ADCY2: variants seen among roughly 807,000 people sequenced by gnomAD.
The protein encoded by ADCY2 is adenylate cyclase 2.
A neutral mutation model predicts 125.2 loss-of-function variants in ADCY2; 31 were observed. That is an observed-to-expected ratio of 0.25 (90% CI 0.19 to 0.33). The LOEUF is 0.33. Among genes scored for constraint, ADCY2 ranks in the 10% least tolerant of loss-of-function variants. ADCY2 has a pLI of 1.00. For missense variants in ADCY2, 904 were observed against 1,418.2 expected, an observed-to-expected ratio of 0.64 and a Z score of 5.82; for synonymous variants, 512 against 548.4, an observed-to-expected ratio of 0.93 and a Z score of 0.93.
rs1739021199 is a variant in ADCY2, at chr5:7,396,258, G to C, written c.-39G>C. ...CGGCCGCGGCGAGCGGCGCTGCCCG[G>C]GCCGGGCGCGCACGGCGGGCGCCCT... is the stretch of plus-strand genomic sequence containing the variant. On this transcript the variant is annotated 5_prime_UTR_variant, in exon 1 of 25. Coordinates refer to ENST00000338316, the MANE Select transcript of ADCY2 (RefSeq NM_020546.3). This position sits in a 1 kb window ranked among gnomAD's most constrained non-coding sequence, Gnocchi z 5.7. 1.9e-6 allele frequency: 2 copies of C among 1,044,626 alleles called. No individual in the cohort carries two copies. The highest frequency in any genetic ancestry group is 2.3e-6 in the Non-Finnish European group (2 of 866,406). The allele number at this position is 1,044,626 out of a possible 1,614,324, so 64.7% of individuals were successfully genotyped here.
chr5:7,516,374 G>A (rs1430108926), intron 2 of ADCY2, among the ~76,000 whole-genome samples: 4 of 152,296 alleles, frequency 2.6e-5, no homozygotes, highest in Admixed American at 2.6e-4. Context: ...GTGTGTTTCT[G>A]TAAACTTGAT....
chr5:7,559,321 T>C (rs1473255822), intron 3 of ADCY2, among the ~76,000 whole-genome samples: 1 of 152,216 alleles, frequency 6.6e-6, no homozygotes, highest in Non-Finnish European at 1.5e-5. Context: ...GGAATGTTTT[T>C]CCATTTGTTT....
At chr5:7,713,665 A>C (rs970474137) in intron 11 of ADCY2, among the ~76,000 whole-genome samples, 1 of 152,138 alleles carries the variant, frequency 6.6e-6, no homozygotes, top group African/African-American at 2.4e-5. Flanking sequence ...GCCACCGTAA[A>C]ATCCCAGGCA....
intron 7 of ADCY2, among the ~76,000 whole-genome samples, chr5:7,699,132 C>T (rs1740996085): frequency 9.5e-6 from 1 of 104,968 alleles, no homozygotes; most frequent in Non-Finnish European, 1.7e-5. Context: ...GAGTCTCGCT[C>T]TGTCGCCCAG....
chr5:7,589,199 T>G (rs1414935008), intron 3 of ADCY2, among the ~76,000 whole-genome samples: 1 of 152,102 alleles, frequency 6.6e-6, no homozygotes, highest in African/African-American at 2.4e-5. Flanking sequence ...CACCCTAATT[T>G]ATTTTCTAAA....
chr5:7,648,213 G>T (rs1023110611), intron 4 of ADCY2, among the ~76,000 whole-genome samples: 1 of 151,848 alleles, frequency 6.6e-6, no homozygotes, highest in South Asian at 2.1e-4. Context: ...TATTTTCTAT[G>T]AATCCTTTCA....
chr5:7,483,428 A>AT (rs112780337), intron 2 of ADCY2, among the ~76,000 whole-genome samples: 1,524 of 151,730 alleles, frequency 0.01, 13 homozygotes, highest in African/African-American at 0.025. Context: ...AAAAAAAAAA[A>AT]GCATTTCATC....
In ADCY2 at chr5:7,820,585, A is replaced by G. The variant is rs1177258406; in HGVS notation, c.3019A>G (p.Ile1007Val). ...LRVGINHGPV[I>V]AGVIGAQKPQ... The stretch of plus-strand genomic sequence containing the variant: ...CACAGGTATTAACCATGGACCTGTG[A>G]TAGCTGGTGTGATTGGAGCTCAGAA... The change falls in exon 24 of 25, where the codon ATA becomes GTA. Residue 1007 changes from isoleucine to valine, a missense_variant. Physicochemically the swap from Ile to Val is conservative, Grantham distance 29. Transcript: ENST00000338316. The G allele has an allele frequency of 6.2e-7, 1 of 1,613,980 alleles. No individual in the cohort carries two copies. The highest frequency in any genetic ancestry group is 1.7e-5 in the Admixed American group (1 of 60,012).
intron 2 of ADCY2, among the ~76,000 whole-genome samples, chr5:7,508,349 C>A (rs561825100): frequency 1.3e-5 from 2 of 152,282 alleles, no homozygotes; most frequent in South Asian, 4.1e-4. Flanking sequence ...TAATTTATTT[C>A]ATATTTCACA....
chr5:7,411,559 T>A (rs1374612507), intron 1 of ADCY2, among the ~76,000 whole-genome samples: 1 of 152,122 alleles, frequency 6.6e-6, no homozygotes, highest in Non-Finnish European at 1.5e-5. Context: ...TTTGCAGGAC[T>A]CTAAGAGGGC....
chr5:7,418,942 T>C (rs1740078054), intron 2 of ADCY2, among the ~76,000 whole-genome samples: 3 of 152,118 alleles, frequency 2.0e-5, no homozygotes, highest in Admixed American at 2.0e-4. Context: ...CGTGAGCCAC[T>C]GCACCCAGCC....
intron 2 of ADCY2, among the ~76,000 whole-genome samples, chr5:7,498,890 C>G (rs961473274): frequency 6.6e-6 from 1 of 152,112 alleles, no homozygotes; most frequent in Non-Finnish European, 1.5e-5. Context: ...GGCCAAATGT[C>G]ACAAGTATAA....
At chr5:7,663,422 C>A (rs566305132) in intron 4 of ADCY2, among the ~76,000 whole-genome samples, 1 of 152,390 alleles carries the variant, frequency 6.6e-6, no homozygotes, top group Non-Finnish European at 1.5e-5. Context: ...CATTGCAGCA[C>A]CTCCCACGGG....
intron 19 of ADCY2, 132 bp from the exon 20 acceptor site, chr5:7,789,510 G>A: frequency 1.2e-6 from 1 of 811,104 alleles, no homozygotes; most frequent in Non-Finnish European, 2.0e-6. Context: ...GCTTTATGGG[G>A]AGGGTGGAAG....
intron 3 of ADCY2, among the ~76,000 whole-genome samples, chr5:7,562,746 A>G (rs1735746556): frequency 6.6e-6 from 1 of 152,178 alleles, no homozygotes; most frequent in Non-Finnish European, 1.5e-5. Context: ...TAGAAACTAC[A>G]AGACTTTAAG....
chr5:7,501,581 G>GAATGATA lies in ADCY2; in HGVS notation c.409-19155_409-19149dup, dbSNP rs1743571846. On this transcript the variant is annotated intron_variant, in intron 2 of 24. Transcript: ENST00000338316. ...AACTCAGTGGATGAGAGACCATGAG[G>GAATGATA]AATGATAATGACATAGGATTAGATG... Among the ~76,000 whole-genome samples the GAATGATA allele has an allele frequency of 4.4e-5, 6 of 135,254 alleles. No homozygotes were observed. In the South Asian group the frequency reaches 1.5e-3, roughly 33 times the overall value. The allele number at this position is 135,254 out of a possible 152,430, so 88.7% of individuals were successfully genotyped here.
At chr5:7,577,338 C>A (rs1269796385) in intron 3 of ADCY2, among the ~76,000 whole-genome samples, 2 of 152,310 alleles carry the variant, frequency 1.3e-5, no homozygotes, top group East Asian at 3.9e-4. Flanking sequence ...GTTCTGTGGT[C>A]TGCAGAGGAC....
chr5:7,423,202 C>T (rs539547262), intron 2 of ADCY2, among the ~76,000 whole-genome samples: 17 of 152,298 alleles, frequency 1.1e-4, no homozygotes, highest in African/African-American at 3.8e-4. Context: ...GAGGGAAGTG[C>T]AGCTGAGCTG....
intron 2 of ADCY2, among the ~76,000 whole-genome samples, chr5:7,503,954 G>C (rs1271162421): frequency 6.6e-6 from 1 of 152,200 alleles, no homozygotes; most frequent in Non-Finnish European, 1.5e-5. Context: ...CCCGCTCACT[G>C]TCCTGGGTTT....
Sources: allele counts gnomAD v4.1 joint callset (sites outside exome capture counted in the v4.1 genomes callset), GRCh38; gene constraint gnomAD v4.1.1; non-coding constraint Gnocchi (gnomAD v3.1); transcripts MANE v1.5; gene names NCBI Gene and HGNC (gene_info 2026-07-23, HGNC 2026-07-21).